Variants in MTARC2 observed in about 807,000 individuals in gnomAD.
MTARC2 encodes the protein MOCO sulphurase C-terminal domain containing 2.
In MTARC2, 27 loss-of-function variants were observed where a neutral mutation model predicts 35.6. That is an observed-to-expected ratio of 0.76 (90% confidence interval 0.56 to 1.04). The LOEUF (loss-of-function observed/expected upper bound fraction) is 1.04, where lower values mean the gene tolerates loss of function less well. Among genes scored for constraint, MTARC2 ranks in the 50% least tolerant of loss-of-function variants. The probability of loss-of-function intolerance (pLI) is 0.00; values close to 1 mark genes in which losing one functional copy is unlikely to be tolerated. For missense variants in MTARC2, 412 were observed against 432.5 expected (o/e 0.95, Z 0.42); for synonymous variants, 158 against 167.1 (o/e 0.95, Z 0.42).
Position 220,763,057 on chromosome 1 carries a change from G to T in MTARC2, c.750+7G>T. On this transcript the variant is annotated splice_region_variant and intron_variant, in intron 4 of 7. Coordinates refer to ENST00000366913, the MANE Select transcript of MTARC2 (RefSeq NM_017898.5). ...CTGTGATGCTTTTGAGGAGGTAAGC[G>T]ACCCACTGCTTTTGTGCATCATGCT... 1 of 1,614,086 alleles carries T rather than the reference G, an allele frequency of 6.2e-7. No homozygotes were observed. The highest frequency in any genetic ancestry group is 1.1e-5 in the South Asian group (1 of 91,066).
chr1:220,774,771 G>GTATT (rs1671847538), intron 4 of MTARC2, among the ~76,000 whole-genome samples: 4 of 152,150 alleles, frequency 2.6e-5, no homozygotes, highest in Non-Finnish European at 5.9e-5. Flanking sequence ...TACTTCTGTG[G>GTATT]TCAGCTGGTA....
chr1:220,756,685 C>T (rs534645266), intron 2 of MTARC2, among the ~76,000 whole-genome samples: 40 of 152,294 alleles, frequency 2.6e-4, no homozygotes, highest in African/African-American at 1.4e-4. Flanking sequence ...TGGGTAAATA[C>T]GTAGCTGACA....
intron 2 of MTARC2, among the ~76,000 whole-genome samples, chr1:220,757,217 T>C (rs1410017552): frequency 6.6e-6 from 1 of 152,218 alleles, no homozygotes; most frequent in Non-Finnish European, 1.5e-5. Flanking sequence ...CCTCTTCTTA[T>C]GTAATTCTGT....
intron 2 of MTARC2, among the ~76,000 whole-genome samples, chr1:220,758,872 TTAAA>T (rs1311808835): frequency 6.6e-6 from 1 of 152,100 alleles, no homozygotes; most frequent in Non-Finnish European, 1.5e-5. Flanking sequence ...TGTGTGTGTA[TTAAA>T]TAAAGCACTT....
intron 6 of MTARC2, 68 bp downstream of exon 6, chr1:220,780,307 G>A (rs777213268): frequency 2.7e-5 from 37 of 1,375,812 alleles, no homozygotes; most frequent in Non-Finnish European, 3.7e-5. Context: ...ATGGGTTTAG[G>A]TGCTATGTCT....
intron 2 of MTARC2, among the ~76,000 whole-genome samples, chr1:220,761,339 C>T (rs1005210809): frequency 1.3e-5 from 2 of 152,222 alleles, no homozygotes; most frequent in Non-Finnish European, 2.9e-5. Context: ...TAAATCCTTA[C>T]GTTCATGGAC....
Position 220,748,594 on chromosome 1 carries a change from G to A in MTARC2, c.63G>A (p.Arg21=), listed in dbSNP as rs761128198. ...GCCTCCCAGCCCGGCCCTGGCCCAGGTGGCTCGGGGTCGCCGCGCTAGGAC... is the reference window on the plus strand; with the variant it reads ...GCCTCCCAGCCCGGCCCTGGCCCAGATGGCTCGGGGTCGCCGCGCTAGGAC... ...RLGLPARPWP[R]WLGVAALGLA... The change falls in exon 1 of 8, where the codon AGG becomes AGA. Residue 21 remains arginine, a synonymous_variant. Coordinates refer to ENST00000366913, the MANE Select transcript of MTARC2 (RefSeq NM_017898.5). The A allele has an allele frequency of 1.6e-5, 24 of 1,455,438 alleles. No homozygotes were observed. In the South Asian group the frequency reaches 3.3e-4, roughly 20 times the overall value. 90.2% of individuals were successfully genotyped at this position (1,455,438 alleles called of 1,614,324 possible). A position where few individuals can be genotyped will look rare whatever the true frequency, so the allele number is the denominator to read the frequency against.
At chr1:220,762,874 A>G in intron 3 of MTARC2, 36 bp from the exon 4 acceptor site, 2 of 1,610,808 alleles carry the variant, frequency 1.2e-6, no homozygotes, top group Non-Finnish European at 1.7e-6. Context: ...CATTTTGTGG[A>G]GTGGTGGGGC....
intron 4 of MTARC2, among the ~76,000 whole-genome samples, chr1:220,778,588 G>A (rs189903102): frequency 7.2e-5 from 11 of 152,324 alleles, no homozygotes; most frequent in East Asian, 5.8e-4. Flanking sequence ...ATGACAATCC[G>A]ATATGAGATT....
At position 220,780,166 on chromosome 1, in the gene MTARC2, A is replaced by C. The variant is rs1382919224; in HGVS notation, c.813-2A>C. ...ACCTAACCCTTGGTTACTGCATAAC[A>C]GGTGTATTTTGACAACGGTGGACCC... is the stretch of plus-strand genomic sequence containing the variant. On this transcript the variant is annotated splice_acceptor_variant, in intron 5 of 7. Transcript: ENST00000366913. LOFTEE classifies it high-confidence loss of function. The C allele has an allele frequency of 5.0e-6, 8 of 1,613,020 alleles. No individual in the cohort carries two copies. Among genetic ancestry groups the C allele is most frequent in the Non-Finnish European group, 6.8e-6 (8 of 1,179,616 alleles).
At chr1:220,778,807 C>T (rs1671989023) in intron 4 of MTARC2, among the ~76,000 whole-genome samples, 1 of 152,114 alleles carries the variant, frequency 6.6e-6, no homozygotes, top group African/African-American at 2.4e-5. Context: ...AGATGTCTCC[C>T]AATACCAGAA....
chr1:220,748,863 G>A, intron 1 of MTARC2, 60 bp downstream of exon 1: 6 of 1,484,674 alleles, frequency 4.0e-6, no homozygotes, highest in Non-Finnish European at 5.3e-6. Context: ...GAGCGGGGGG[G>A]CAGGTGGGGC....
intron 4 of MTARC2, among the ~76,000 whole-genome samples, chr1:220,766,858 T>TAA (rs1215653597): frequency 4.0e-5 from 3 of 75,794 alleles, no homozygotes; most frequent in East Asian, 5.3e-4. Flanking sequence ...AAAATAAAAG[T>TAA]ACAAAAAAAA....
chr1:220,758,030 G>A (rs1671329329), intron 2 of MTARC2, among the ~76,000 whole-genome samples: 1 of 152,108 alleles, frequency 6.6e-6, no homozygotes, highest in South Asian at 2.1e-4. Context: ...TGTCACCCGG[G>A]CTGGAGTGCA....
In MTARC2 at chr1:220,761,666, G is replaced by T. The variant is rs1474299865; in HGVS notation, c.455G>T (p.Gly152Val). ...TTTTGTGACCTTTCCAGGATATTTG[G>T]CCTTGACATTAAAGGCAGAGACTGT... ...SNKLHNCRIF[G>V]LDIKGRDCGN... The change falls in exon 3 of 8, where the codon GGC becomes GTC. Residue 152 changes from glycine (G) to valine (V), a missense_variant. By Grantham distance (109) the Gly-to-Val change is moderately radical. Coordinates refer to ENST00000366913, the MANE Select transcript of MTARC2 (RefSeq NM_017898.5). The T allele has an allele frequency of 6.2e-7, 1 of 1,610,266 alleles. No individual in the cohort carries two copies. Among genetic ancestry groups the T allele is most frequent in the South Asian group, 1.1e-5 (1 of 90,238 alleles).
intron 7 of MTARC2, among the ~76,000 whole-genome samples, chr1:220,782,670 G>A (rs7537305): frequency 0.12 from 18,528 of 152,138 alleles, 1,814 homozygotes; most frequent in African/African-American, 0.25. Context: ...AGCTTCTCAC[G>A]TGTGTTACTT....
rs1201524872 is a variant in MTARC2, at chr1:220,761,704, G to A, written c.493G>A (p.Ala165Thr). Reference protein sequence around the residue: ...IKGRDCGNEAAKWFTNFLKTE... With the variant: ...IKGRDCGNEATKWFTNFLKTE... ...AGGCAGAGACTGTGGCAATGAGGCA[G>A]CTAAGTGGTTCACCAACTTCTTGAA... The change falls in exon 3 of 8, where the codon GCT becomes ACT. Residue 165 changes from alanine (A) to threonine (T), a missense_variant. Ala to Thr is a moderately conservative substitution (Grantham distance 58, BLOSUM62 0). Transcript: ENST00000366913. The A allele has an allele frequency of 6.2e-7, 1 of 1,614,122 alleles. No homozygotes were observed. The highest frequency in any genetic ancestry group is 1.7e-5 in the Admixed American group (1 of 59,990).
At chr1:220,773,909 C>T (rs903819796) in intron 4 of MTARC2, among the ~76,000 whole-genome samples, 3 of 151,984 alleles carry the variant, frequency 2.0e-5, no homozygotes, top group African/African-American at 4.8e-5. Context: ...AATGTATACA[C>T]ATAGCTATGT....
chr1:220,781,084 T>G (rs1160735927), intron 6 of MTARC2, among the ~76,000 whole-genome samples: 1 of 151,964 alleles, frequency 6.6e-6, no homozygotes, highest in Non-Finnish European at 1.5e-5. Context: ...AGGCTTAACA[T>G]TCTTTGGAGC....
Sources: gnomAD v4.1 joint callset for allele counts (sites outside exome capture counted in the v4.1 genomes callset) on GRCh38, gnomAD v4.1.1 for gene constraint, MANE v1.5 for transcripts, NCBI Gene and HGNC (gene_info 2026-07-23, HGNC 2026-07-21) for gene names.